PACC1: variants seen among roughly 807,000 people sequenced by gnomAD.
PACC1 encodes proton activated chloride channel 1.
A neutral mutation model predicts 39.7 loss-of-function variants in PACC1; 34 were observed. That is an observed-to-expected ratio of 0.86 (90% CI 0.65 to 1.14). The LOEUF (loss-of-function observed/expected upper bound fraction) is 1.14. PACC1 is among the 50% of genes most tolerant of loss of function. The pLI is 0.00. For missense variants in PACC1, 379 were observed against 436.4 expected, an observed-to-expected ratio of 0.87 and a Z score of 1.17; for synonymous variants, 127 against 160.6, an observed-to-expected ratio of 0.79 and a Z score of 1.58.
intron 2 of PACC1, 66 bp from the exon 3 acceptor site, chr1:212,387,166 A>C (rs1198563530): frequency 2.6e-6 from 4 of 1,541,422 alleles, no homozygotes; most frequent in Non-Finnish European, 3.5e-6. Flanking sequence ...GATGGCCAGC[A>C]ACCTCCAGGC....
chr1:212,377,570 G>A lies in PACC1; in HGVS notation c.775C>T (p.Arg259Trp), dbSNP rs747223607. The A allele has an allele frequency of 4.6e-5, 75 of 1,614,040 alleles. 1 individual carries two copies. The highest frequency in any genetic ancestry group is 3.3e-4 in the Middle Eastern group (2 of 6,062). The change falls in exon 6 of 8, where the codon CGG (arginine) becomes TGG (tryptophan). Residue 259 changes from arginine to tryptophan, a missense_variant. Transcript: ENST00000261455. ...EEDGREAVEF[R>W]QETSVVNYID... ...AACCCAGAGCCACCTACCTCCTGCC[G>A]GAACTCCACTGCTTCCCGCCCATCC...
chr1:212,414,673 C>G, intron 1 of PACC1, 49 bp downstream of exon 1: 2 of 1,610,782 alleles, frequency 1.2e-6, no homozygotes, highest in Middle Eastern at 1.7e-4. Flanking sequence ...GCCCCCGGGA[C>G]CCTGCTCCTC....
rs1335755149 is a variant in PACC1, at chr1:212,364,011, T to C, written c.*1204A>G. 5 of 152,254 alleles carry C rather than the reference T, an allele frequency of 3.3e-5. No individual in the cohort carries two copies. Among genetic ancestry groups the C allele is most frequent in the East Asian group, 1.9e-4 (1 of 5,188 alleles). The allele number at this position is 152,254 out of a possible 1,614,324, so 9.4% of individuals were successfully genotyped here. On this transcript the variant is annotated 3_prime_UTR_variant, in exon 8 of 8. Coordinates refer to ENST00000261455, the MANE Select transcript of PACC1 (RefSeq NM_018252.3). Reference sequence around the variant, plus strand: ...AATGCCTATTCATACATTTGAGTTATTCCCTTTGGATTATCGGAAGCCAGA... The same window carrying C: ...AATGCCTATTCATACATTTGAGTTACTCCCTTTGGATTATCGGAAGCCAGA...
At chr1:212,368,770 T>C (rs1479664266) in intron 7 of PACC1, among the ~76,000 whole-genome samples, 4 of 152,072 alleles carry the variant, frequency 2.6e-5, no homozygotes, top group Admixed American at 1.3e-4. Context: ...CGGTGGCTCA[T>C]GCCTGTAATC....
chr1:212,414,132 G>C, intron 1 of PACC1: 2 of 1,472,812 alleles, frequency 1.4e-6, no homozygotes, highest in Middle Eastern at 2.0e-4. Flanking sequence ...ATAAAGTCGT[G>C]GGAGGAGGTG....
Position 212,414,833 on chromosome 1 carries a change from A to C in PACC1, c.-76T>G. The C allele has an allele frequency of 1.3e-6, 2 of 1,574,830 alleles. No homozygotes were observed. Among genetic ancestry groups the C allele is most frequent in the Non-Finnish European group, 1.7e-6 (2 of 1,149,664 alleles). On this transcript the variant is annotated 5_prime_UTR_variant, in exon 1 of 8. Transcript: ENST00000261455. ...ACGGACGCAGCACTGCGGCCGCTGC[A>C]CCTGGACCTACCGGCTCCGCGAGGC... is the stretch of plus-strand genomic sequence containing the variant.
rs1042760168 is a variant in PACC1, at chr1:212,377,710, G to T, written c.639-4C>A. The T allele has an allele frequency of 6.2e-7, 1 of 1,613,756 alleles. No individual in the cohort carries two copies. Among genetic ancestry groups the T allele is most frequent in the Non-Finnish European group, 8.5e-7 (1 of 1,179,910 alleles). On this transcript the variant is annotated splice_polypyrimidine_tract_variant and splice_region_variant and intron_variant, in intron 5 of 7. Transcript: ENST00000261455. ...CATGAAGCCTACCCTGTTTGGGCTT[G>T]GAGGAAGGAAGGAGAAGGAAGATCC...
chr1:212,390,620 G>A (rs1661281124), intron 2 of PACC1, among the ~76,000 whole-genome samples: 1 of 152,072 alleles, frequency 6.6e-6, no homozygotes, highest in Admixed American at 6.5e-5. Flanking sequence ...AGCGCACCGA[G>A]TGTGAGCTGA....
chr1:212,392,555 A>G (rs1174609696), intron 2 of PACC1, among the ~76,000 whole-genome samples: 2 of 152,226 alleles, frequency 1.3e-5, no homozygotes, highest in Admixed American at 6.5e-5. Flanking sequence ...ATAACCAGCT[A>G]ACATCATAAT....
Position 212,414,719 on chromosome 1 carries a change from T to C in PACC1, c.36+3A>G. ...TTCCCTTCCGTCTCTCACAACCTCG[T>C]ACCTCCTGGTAGGATGTGGAGCGCT... On this transcript the variant is annotated splice_donor_region_variant and intron_variant, in intron 1 of 7. Coordinates refer to ENST00000261455, the MANE Select transcript of PACC1 (RefSeq NM_018252.3). 1 of 1,613,416 alleles carries C rather than the reference T, an allele frequency of 6.2e-7. No homozygotes were observed. The highest frequency in any genetic ancestry group is 8.5e-7 in the Non-Finnish European group (1 of 1,179,486).
At chr1:212,382,462 C>A (rs1660939094) in intron 4 of PACC1, among the ~76,000 whole-genome samples, 2 of 152,236 alleles carry the variant, frequency 1.3e-5, no homozygotes, top group South Asian at 2.1e-4. Context: ...AGGTGGCAAA[C>A]CTTATTGTGC....
In PACC1 at chr1:212,375,312, G is replaced by A. The variant is rs1458917133; in HGVS notation, c.784-12C>T. 5 of 1,595,368 alleles carry A rather than the reference G, an allele frequency of 3.1e-6. No homozygotes were observed. In the African/African-American group the frequency reaches 5.4e-5, roughly 17 times the overall value. The stretch of plus-strand genomic sequence containing the variant: ...TTAACCACACTTGTCTAGATGTGGA[G>A]GAGAGAAAGCAGTGTTACCACCTCT... On this transcript the variant is annotated splice_polypyrimidine_tract_variant and intron_variant, in intron 6 of 7. Coordinates refer to ENST00000261455, the MANE Select transcript of PACC1 (RefSeq NM_018252.3).
chr1:212,404,931 G>A (rs137957031), intron 2 of PACC1, among the ~76,000 whole-genome samples: 417 of 152,040 alleles, frequency 2.7e-3, no homozygotes, highest in Middle Eastern at 0.017. Context: ...ACCATGCCCC[G>A]GCTAGTTTTT....
chr1:212,408,902 C>G (rs1662023904), intron 2 of PACC1, among the ~76,000 whole-genome samples: 1 of 152,208 alleles, frequency 6.6e-6, no homozygotes, highest in Non-Finnish European at 1.5e-5. Flanking sequence ...AGGCCACAGA[C>G]CAATACGGGT....
At chr1:212,398,804 T>G (rs1661609544) in intron 2 of PACC1, among the ~76,000 whole-genome samples, 1 of 152,236 alleles carries the variant, frequency 6.6e-6, no homozygotes, top group African/African-American at 2.4e-5. Flanking sequence ...TACTAAGTCC[T>G]TCTCCGTGAG....
chr1:212,378,681 G>C (rs572667440), intron 5 of PACC1, among the ~76,000 whole-genome samples: 1 of 152,332 alleles, frequency 6.6e-6, no homozygotes, highest in East Asian at 1.9e-4. Context: ...CTGATGGTCA[G>C]GGGACATTCA....
At chr1:212,390,815 G>T (rs1223171823) in intron 2 of PACC1, among the ~76,000 whole-genome samples, 11 of 152,220 alleles carry the variant, frequency 7.2e-5, no homozygotes, top group Non-Finnish European at 1.3e-4. Context: ...GGCTCAGAGG[G>T]TCCCACACCC....
chr1:212,377,808 A>AT lies in PACC1; in HGVS notation c.639-103dup, dbSNP rs376101265. On this transcript the variant is annotated intron_variant, in intron 5 of 7. Transcript: ENST00000261455. ...TGGTTTCTTTGCTGGCACAACCAGG[A>AT]TGCTGCCCACTCCCTGCCTCCTCTC... is the stretch of plus-strand genomic sequence containing the variant. 1.0e-3 allele frequency: 1,410 copies of AT among 1,383,252 alleles called. 8 individuals are homozygous for AT. The African/African-American group carries it at 0.019, about 18-fold the overall frequency. The allele number at this position is 1,383,252 out of a possible 1,614,324, so 85.7% of individuals were successfully genotyped here. A position where few individuals can be genotyped will look rare whatever the true frequency, so the allele number is the denominator to read the frequency against.
intron 7 of PACC1, among the ~76,000 whole-genome samples, chr1:212,366,051 C>A (rs1660231972): frequency 1.3e-5 from 2 of 152,180 alleles, no homozygotes; most frequent in Non-Finnish European, 2.9e-5. Context: ...ATCTACGATG[C>A]TTTCCTCCTG....
Sources: allele counts gnomAD v4.1 joint callset (sites outside exome capture counted in the v4.1 genomes callset), GRCh38; gene constraint gnomAD v4.1.1; transcripts MANE v1.5; gene names NCBI Gene and HGNC (gene_info 2026-07-23, HGNC 2026-07-21).